The following ADAMTS6 variants were observed in gnomAD, a reference collection of about 807,000 sequenced individuals.
ADAMTS6 encodes the protein ADAM metallopeptidase with thrombospondin type 1 motif 6, also known as A disintegrin and metalloproteinase with thrombospondin motifs 6.
Under a neutral mutation model 144.3 loss-of-function variants are expected in ADAMTS6, and 23 were observed. That is an observed-to-expected ratio of 0.16 (90% CI 0.11 to 0.23). The LOEUF (loss-of-function observed/expected upper bound fraction) is 0.23, where lower values mean the gene tolerates loss of function less well. ADAMTS6 is among the 10% of genes least tolerant of loss of function. The probability of loss-of-function intolerance (pLI) is 1.00; values close to 1 mark genes in which losing one functional copy is unlikely to be tolerated. For synonymous variants in ADAMTS6, 444 were observed against 457.5 expected, an observed-to-expected ratio of 0.97 and a Z score of 0.38; for missense variants, 999 against 1,379.6, an observed-to-expected ratio of 0.72 and a Z score of 4.37.
Position 65,291,569 on chromosome 5 carries a change from G to A in ADAMTS6, c.1371-99C>T, listed in dbSNP as rs139124423. Reference sequence around the variant, plus strand: ...TTGAGCTTTGTTTTAATAACTTGACGCATGAAAAACAATACATTCTCCCAA... The same window carrying A: ...TTGAGCTTTGTTTTAATAACTTGACACATGAAAAACAATACATTCTCCCAA... On this transcript the variant is annotated intron_variant, in intron 10 of 24. Coordinates refer to ENST00000381055, the MANE Select transcript of ADAMTS6 (RefSeq NM_197941.4). 1,524 of 1,270,320 alleles carry A rather than the reference G, an allele frequency of 1.2e-3. 19 individuals carry two copies. In the African/African-American group the frequency reaches 0.018, roughly 15 times the overall value. The allele number at this position is 1,270,320 out of a possible 1,614,324, so 78.7% of individuals were successfully genotyped here.
chr5:65,199,102 G>A (rs909806260), intron 20 of ADAMTS6, among the ~76,000 whole-genome samples: 1 of 151,798 alleles, frequency 6.6e-6, no homozygotes, highest in Non-Finnish European at 1.5e-5. Context: ...GGACAGCAGG[G>A]GATTTTTTTT....
chr5:65,213,777 A>C (rs1432565197), intron 20 of ADAMTS6, among the ~76,000 whole-genome samples: 1 of 152,232 alleles, frequency 6.6e-6, no homozygotes, highest in Non-Finnish European at 1.5e-5. Flanking sequence ...AGTCTATATA[A>C]AAATCATATA....
At position 65,226,180 on chromosome 5, in the gene ADAMTS6, C is replaced by T; in HGVS notation, c.1973G>A (p.Gly658Asp). 6.2e-7 allele frequency: 1 copy of T among 1,613,740 alleles called. No homozygotes were observed. The highest frequency in any genetic ancestry group is 8.5e-7 in the Non-Finnish European group (1 of 1,179,812). ...AGCACGTTCAGTGTAGAAATTATAA[C>T]CTTCAGCCAAGCAGTTTAATGCACA... ...KPCALNCLAE[G>D]YNFYTERAPA... Residue 658 changes from glycine to aspartate, a missense_variant, in exon 16 of 25, where the codon GGT becomes GAT. Coordinates refer to ENST00000381055, the MANE Select transcript of ADAMTS6 (RefSeq NM_197941.4).
chr5:65,443,958 A>C (rs937659119), intron 7 of ADAMTS6, among the ~76,000 whole-genome samples: 3 of 152,192 alleles, frequency 2.0e-5, no homozygotes, highest in African/African-American at 7.2e-5. Context: ...TATACATTGT[A>C]TTAGAAGTTC....
chr5:65,461,992 C>T (rs1236909311), intron 3 of ADAMTS6, among the ~76,000 whole-genome samples: 1 of 152,082 alleles, frequency 6.6e-6, no homozygotes, highest in East Asian at 1.9e-4. Flanking sequence ...AATTGGCAGT[C>T]ACCTACATGA....
intron 7 of ADAMTS6, chr5:65,416,133 C>A (rs1561521848): frequency 5.3e-6 from 1 of 187,500 alleles, no homozygotes; most frequent in East Asian, 1.3e-4. Flanking sequence ...CACCAAGTCT[C>A]CCTATCAGGA....
chr5:65,173,300 C>A (rs904367579), intron 22 of ADAMTS6, among the ~76,000 whole-genome samples: 1 of 152,138 alleles, frequency 6.6e-6, no homozygotes, highest in African/African-American at 2.4e-5. Flanking sequence ...TCCTTAGCCC[C>A]GTCAGCTGTG....
At chr5:65,260,223 T>C (rs1480489730) in intron 14 of ADAMTS6, among the ~76,000 whole-genome samples, 1 of 152,080 alleles carries the variant, frequency 6.6e-6, no homozygotes, top group African/African-American at 2.4e-5. Context: ...TGAGGGATAA[T>C]GTAGGAGTCT....
Position 65,241,721 on chromosome 5 carries a change from T to A in ADAMTS6, c.1933+383A>T, listed in dbSNP as rs941706737. Reference sequence around the variant, plus strand: ...CAGAGTTTCCTGATTTATATTCTTATAACTTGTTTTAGGGTGATAATTGCA... The same window carrying A: ...CAGAGTTTCCTGATTTATATTCTTAAAACTTGTTTTAGGGTGATAATTGCA... On this transcript the variant is annotated intron_variant, in intron 15 of 24. Transcript: ENST00000381055. Among the ~76,000 whole-genome samples, 6 of 152,184 alleles carry A rather than the reference T, an allele frequency of 3.9e-5. No individual in the cohort carries two copies. The South Asian group carries it at 6.2e-4, about 16-fold the overall frequency.
intron 14 of ADAMTS6, among the ~76,000 whole-genome samples, chr5:65,253,190 C>A (rs1479092818): frequency 6.6e-6 from 1 of 152,132 alleles, no homozygotes; most frequent in Non-Finnish European, 1.5e-5. Flanking sequence ...TGGTACCCAG[C>A]CAATTTTCTA....
chr5:65,294,832 TC>T (rs1344881650), intron 10 of ADAMTS6, among the ~76,000 whole-genome samples: 7 of 151,956 alleles, frequency 4.6e-5, no homozygotes, highest in African/African-American at 1.4e-4. Context: ...ATCCCTCATT[TC>T]CCCCCACCCC....
chr5:65,399,055 G>A (rs964338570), intron 7 of ADAMTS6, among the ~76,000 whole-genome samples: 8 of 152,092 alleles, frequency 5.3e-5, no homozygotes, highest in Admixed American at 2.6e-4. Context: ...TCAGGAGTTC[G>A]AGATCAGCCT....
At chr5:65,290,836 A>G (rs1477949313) in intron 11 of ADAMTS6, among the ~76,000 whole-genome samples, 1 of 151,948 alleles carries the variant, frequency 6.6e-6, no homozygotes, top group Non-Finnish European at 1.5e-5. Context: ...TTGTTTCACT[A>G]CTTGAGCTAA....
chr5:65,367,589 G>GTCAATACTGGA (rs1349853352), intron 7 of ADAMTS6, among the ~76,000 whole-genome samples: 90 of 152,184 alleles, frequency 5.9e-4, no homozygotes, highest in African/African-American at 2.1e-3. Flanking sequence ...CAAATGACTG[G>GTCAATACTGGA]TCAATACTGG....
At chr5:65,473,409 G>A (rs933314779) in intron 2 of ADAMTS6, among the ~76,000 whole-genome samples, 168 bp downstream of exon 2, 2 of 152,034 alleles carry the variant, frequency 1.3e-5, no homozygotes, top group Non-Finnish European at 2.9e-5. Flanking sequence ...GTTAAACGAC[G>A]CATAGCCCTT....
chr5:65,166,017 A>T (rs1229412851), intron 24 of ADAMTS6, among the ~76,000 whole-genome samples: 5 of 150,428 alleles, frequency 3.3e-5, no homozygotes, highest in Admixed American at 2.0e-4. Flanking sequence ...ACAGGATCAA[A>T]TTCACACATA....
chr5:65,407,351 A>T (rs28850321), intron 7 of ADAMTS6, among the ~76,000 whole-genome samples: 58,132 of 149,702 alleles, frequency 0.39, 11,446 homozygotes, highest in South Asian at 0.44. Context: ...TTTTTTTTTT[A>T]TTATACTTTA....
Position 65,164,177 on chromosome 5 carries a change from C to T in ADAMTS6, c.3244+6440G>A, listed in dbSNP as rs1010361438. Among the ~76,000 whole-genome samples, 598 of 151,904 alleles carry T rather than the reference C, an allele frequency of 3.9e-3. 4 individuals carry two copies. Among genetic ancestry groups the T allele is most frequent in the African/African-American group, 0.014 (581 of 41,472 alleles). On this transcript the variant is annotated intron_variant, in intron 24 of 24. Coordinates refer to ENST00000381055, the MANE Select transcript of ADAMTS6 (RefSeq NM_197941.4). ...GGGCGCAGGCCAGTGGGTGCGCGCACCGTGCGCGAGCCGAAGCAGGGCGAG... is the reference window on the plus strand; with the variant it reads ...GGGCGCAGGCCAGTGGGTGCGCGCATCGTGCGCGAGCCGAAGCAGGGCGAG...
chr5:65,325,679 G>A (rs578237529), intron 9 of ADAMTS6, among the ~76,000 whole-genome samples: 1 of 151,806 alleles, frequency 6.6e-6, no homozygotes, highest in Admixed American at 6.6e-5. Flanking sequence ...TTTTTTGTAG[G>A]GACAGAGTTT....
Sources: allele counts gnomAD v4.1 joint callset (sites outside exome capture counted in the v4.1 genomes callset), GRCh38; gene constraint gnomAD v4.1.1; transcripts MANE v1.5; gene names NCBI Gene and HGNC (gene_info 2026-07-23, HGNC 2026-07-21).